DAAM2: variants seen among roughly 807,000 people sequenced by gnomAD.
The protein encoded by DAAM2 is dishevelled associated activator of morphogenesis 2, also known as disheveled-associated activator of morphogenesis 2.
Under a neutral mutation model 120.7 loss-of-function variants are expected in DAAM2, and 39 were observed. That is an observed-to-expected ratio of 0.32 (90% CI 0.25 to 0.42). The LOEUF (loss-of-function observed/expected upper bound fraction) is 0.42. Ranked by LOEUF, DAAM2 falls within the 10% of genes least tolerant of loss-of-function variation. The pLI, the probability that DAAM2 is intolerant of heterozygous loss-of-function variation, is 1.00. For synonymous variants in DAAM2, 488 were observed against 524.9 expected (o/e 0.93, Z 0.96); for missense variants, 1,283 against 1,401.7 (o/e 0.92, Z 1.35).
At chr6:39,801,675 A>C (rs967480841) in intron 1 of DAAM2, among the ~76,000 whole-genome samples, 1 of 152,234 alleles carries the variant, frequency 6.6e-6, no homozygotes, top group East Asian at 1.9e-4. Context: ...TGCTTTGAAC[A>C]TTCCGCCTTT....
chr6:39,812,938 A>G (rs1762205473), intron 1 of DAAM2, among the ~76,000 whole-genome samples: 1 of 152,122 alleles, frequency 6.6e-6, no homozygotes, highest in African/African-American at 2.4e-5. Flanking sequence ...ACGATTCCTC[A>G]CATTGGGAAA....
chr6:39,832,130 C>A lies in DAAM2; in HGVS notation c.-56-24117C>A, dbSNP rs567221382. 3.3e-5 allele frequency among the ~76,000 whole-genome samples: 5 copies of A among 151,966 alleles called. No individual in the cohort carries two copies. The South Asian group carries it at 1.0e-3, about 32-fold the overall frequency. ...GACAGGTACGCTAGGGAGGCAGGTG[C>A]ACTGGTGCTCACTCCTCTGCAGCTC... On this transcript the variant is annotated intron_variant, in intron 1 of 24. Transcript: ENST00000274867.
intron 1 of DAAM2, among the ~76,000 whole-genome samples, chr6:39,808,637 C>G (rs1275878322): frequency 3.3e-5 from 5 of 152,136 alleles, no homozygotes; most frequent in Non-Finnish European, 5.9e-5. Context: ...ATGTCCCTTA[C>G]TTTTTATGAT....
At chr6:39,855,927 C>T (rs1582681369) in intron 1 of DAAM2, 1 of 573,134 alleles carries the variant, frequency 1.7e-6, no homozygotes. Flanking sequence ...AAAGTCAGCT[C>T]TGGTCACATG....
intron 1 of DAAM2, among the ~76,000 whole-genome samples, chr6:39,855,453 T>C (rs1223207878): frequency 5.3e-5 from 8 of 152,210 alleles, no homozygotes; most frequent in Admixed American, 3.3e-4. Context: ...AGTTGCCTGG[T>C]ATGAAAAGAA....
Position 39,867,854 on chromosome 6 carries a change from A to C in DAAM2, c.762+11A>C. 6.4e-7 allele frequency: 1 copy of C among 1,559,038 alleles called. No individual in the cohort carries two copies. Among genetic ancestry groups the C allele is most frequent in the Non-Finnish European group, 8.7e-7 (1 of 1,153,866 alleles). ...CGAACCCGCTTCCAGGTGAGGGGCCAGGCTGGAGGTGGGATGCCAGCTGGG... is the reference window on the plus strand; with the variant it reads ...CGAACCCGCTTCCAGGTGAGGGGCCCGGCTGGAGGTGGGATGCCAGCTGGG... On this transcript the variant is annotated intron_variant, in intron 6 of 24. Coordinates refer to ENST00000274867, the MANE Select transcript of DAAM2 (RefSeq NM_001201427.2).
At chr6:39,807,028 G>T (rs1423366947) in intron 1 of DAAM2, among the ~76,000 whole-genome samples, 1 of 152,044 alleles carries the variant, frequency 6.6e-6, no homozygotes, top group Non-Finnish European at 1.5e-5. Context: ...GGTAAGTCCA[G>T]ACAAAGTCTA....
rs1391253919 is a variant in DAAM2, at chr6:39,865,007, G to C, written c.361G>C (p.Glu121Gln). ...AMQSLYAFDE[E>Q]ETEMRNQVVE... ...GCAGAGTCTGTACGCGTTTGATGAGGAGGAGACGGAGATGAGGAACCAAGT... is the reference window on the plus strand; with the variant it reads ...GCAGAGTCTGTACGCGTTTGATGAGCAGGAGACGGAGATGAGGAACCAAGT... Residue 121 changes from glutamate to glutamine, a missense_variant, in exon 5 of 25, where the codon GAG becomes CAG. Physicochemically the swap from Glu to Gln is conservative, Grantham distance 29 (BLOSUM62 2). Coordinates refer to ENST00000274867, the MANE Select transcript of DAAM2 (RefSeq NM_001201427.2). The C allele has an allele frequency of 1.9e-6, 3 of 1,607,318 alleles. No individual in the cohort carries two copies. Among genetic ancestry groups the C allele is most frequent in the South Asian group, 1.1e-5 (1 of 88,966 alleles).
intron 1 of DAAM2, among the ~76,000 whole-genome samples, chr6:39,793,618 C>T (rs1335590047): frequency 1.3e-5 from 2 of 152,142 alleles, no homozygotes; most frequent in Non-Finnish European, 1.5e-5. Flanking sequence ...CTTGTGTTTT[C>T]CCCCTTCTGA....
chr6:39,852,561 G>A (rs1479129858), intron 1 of DAAM2, among the ~76,000 whole-genome samples: 2 of 152,216 alleles, frequency 1.3e-5, no homozygotes, highest in Non-Finnish European at 2.9e-5. Context: ...GTCTTACCTT[G>A]CTGGCGATGA....
In DAAM2 at chr6:39,846,947, C is replaced by T. The variant is rs7764659; in HGVS notation, c.-56-9300C>T. Reference sequence around the variant, plus strand: ...GATCTACATTTTCAACCACATTTGCCTTTCAGGGGCCAGCTCAGCTCCCAT... The same window carrying T: ...GATCTACATTTTCAACCACATTTGCTTTTCAGGGGCCAGCTCAGCTCCCAT... On this transcript the variant is annotated intron_variant, in intron 1 of 24. Coordinates refer to ENST00000274867, the MANE Select transcript of DAAM2 (RefSeq NM_001201427.2). 1.1e-3 allele frequency among the ~76,000 whole-genome samples: 175 copies of T among 152,340 alleles called. 1 individual carries two copies. The highest frequency in any genetic ancestry group is 3.9e-3 in the African/African-American group (161 of 41,568).
intron 14 of DAAM2, among the ~76,000 whole-genome samples, chr6:39,881,651 T>G (rs1765125098): frequency 6.6e-6 from 1 of 152,056 alleles, no homozygotes; most frequent in Non-Finnish European, 1.5e-5. Flanking sequence ...GGGCGGAGGT[T>G]GTAATGAACC....
chr6:39,797,832 A>G (rs1761745194), intron 1 of DAAM2, among the ~76,000 whole-genome samples: 3 of 152,240 alleles, frequency 2.0e-5, no homozygotes, highest in African/African-American at 7.2e-5. Flanking sequence ...AGTGCCAGCT[A>G]CAAGGTAAGT....
chr6:39,885,418 C>A (rs1765333358), intron 15 of DAAM2: 1 of 152,232 alleles, frequency 6.6e-6, no homozygotes, highest in African/African-American at 2.4e-5. Flanking sequence ...GCAAGCATAC[C>A]AGGCTTGGTG....
chr6:39,805,747 G>T (rs925680441), intron 1 of DAAM2, among the ~76,000 whole-genome samples: 1 of 152,006 alleles, frequency 6.6e-6, no homozygotes, highest in Non-Finnish European at 1.5e-5. Context: ...TAGAGACGGG[G>T]TTTCACCATG....
In DAAM2 at chr6:39,879,314, C is replaced by A. The variant is rs769271142; in HGVS notation, c.1682C>A (p.Pro561His). 2 of 1,579,076 alleles carry A rather than the reference C, an allele frequency of 1.3e-6. No individual in the cohort carries two copies. The highest frequency in any genetic ancestry group is 1.7e-6 in the Non-Finnish European group (2 of 1,155,060). The stretch of plus-strand genomic sequence containing the variant: ...CCCCCTCCCCCACCACCACCCCTTC[C>A]TCCCGGGGGACCCCCGACTCCCCCA... ...CCPPPPPPPL[P>H]PGGPPTPPGA... is the part of the protein sequence containing the mutation. The change falls in exon 14 of 25, where the codon CCT (proline) becomes CAT (histidine). Residue 561 changes from proline to histidine, a missense_variant. By Grantham distance (77) the Pro-to-His change is moderately conservative (BLOSUM62 -2). Around this residue, in one of 3 missense-constraint regions of DAAM2, gnomAD observed 748 missense variants for 768.6 expected, o/e 0.97. Transcript: ENST00000274867.
intron 9 of DAAM2, 77 bp from the exon 10 acceptor site, chr6:39,873,161 T>G: frequency 1.1e-6 from 1 of 926,534 alleles, no homozygotes; most frequent in Non-Finnish European, 1.7e-6. Flanking sequence ...GCATAGTGGA[T>G]GGAAGCAGGG....
At chr6:39,823,440 A>AG (rs1297352618) in intron 1 of DAAM2, among the ~76,000 whole-genome samples, 2 of 152,208 alleles carry the variant, frequency 1.3e-5, no homozygotes, top group Non-Finnish European at 2.9e-5. Context: ...CAGGCAAGTC[A>AG]GGAAAAACGA....
chr6:39,799,501 T>A (rs1761798127), intron 1 of DAAM2, among the ~76,000 whole-genome samples: 1 of 152,214 alleles, frequency 6.6e-6, no homozygotes, highest in Non-Finnish European at 1.5e-5. Flanking sequence ...ATATATTGTG[T>A]GTGGAATAAT....
Sources: allele counts gnomAD v4.1 joint callset (sites outside exome capture counted in the v4.1 genomes callset), GRCh38; gene constraint gnomAD v4.1.1; regional missense constraint gnomAD v4.1.1; transcripts MANE v1.5; gene names NCBI Gene and HGNC (gene_info 2026-07-23, HGNC 2026-07-21).